Variants in CLSTN2 observed in about 807,000 individuals in gnomAD.
CLSTN2 encodes the protein calsyntenin-2.
A neutral mutation model predicts 101.2 loss-of-function variants in CLSTN2; 48 were observed. The observed-to-expected ratio is 0.47, with a 90% confidence interval of 0.38 to 0.60. The LOEUF (loss-of-function observed/expected upper bound fraction) is 0.60, where lower values mean the gene tolerates loss of function less well. Among genes scored for constraint, CLSTN2 ranks in the 20% least tolerant of loss-of-function variants. The pLI, the probability that CLSTN2 is intolerant of heterozygous loss-of-function variation, is 0.00. For synonymous variants in CLSTN2, 481 were observed against 463.6 expected (o/e 1.04, Z -0.48); for missense variants, 1,160 against 1,238.2 (o/e 0.94, Z 0.95).
chr3:140,148,723 C>A (rs998901932), intron 1 of CLSTN2, among the ~76,000 whole-genome samples: 10 of 152,160 alleles, frequency 6.6e-5, no homozygotes, highest in African/African-American at 2.4e-4. Context: ...GGAAGAAGTG[C>A]AGGTCATTTA....
At chr3:140,227,123 A>T (rs1677294556) in intron 2 of CLSTN2, among the ~76,000 whole-genome samples, 1 of 152,222 alleles carries the variant, frequency 6.6e-6, no homozygotes, top group African/African-American at 2.4e-5. Context: ...TTAACTCAAA[A>T]GTCCACAGTC....
At chr3:140,507,816 A>C (rs1934713259) in intron 8 of CLSTN2, 1 of 152,034 alleles carries the variant, frequency 6.6e-6, no homozygotes, top group East Asian at 1.9e-4. Context: ...CACCTAACAT[A>C]ATGTGTGACC....
At chr3:140,467,427 A>T (rs1377133998) in intron 8 of CLSTN2, among the ~76,000 whole-genome samples, 1 of 152,188 alleles carries the variant, frequency 6.6e-6, no homozygotes, top group Non-Finnish European at 1.5e-5. Flanking sequence ...GCCTTTGCTT[A>T]AATTTGAAAG....
chr3:140,049,599 C>T (rs1402660195), intron 1 of CLSTN2, among the ~76,000 whole-genome samples: 1 of 152,144 alleles, frequency 6.6e-6, no homozygotes, highest in Non-Finnish European at 1.5e-5. Flanking sequence ...ACACCTTCTG[C>T]ATAGAGAGTG....
intron 1 of CLSTN2, among the ~76,000 whole-genome samples, chr3:140,145,347 A>G (rs2009765727): frequency 6.6e-6 from 1 of 152,210 alleles, no homozygotes; most frequent in East Asian, 1.9e-4. Context: ...ATAAAGAAGA[A>G]CATGATTCCT....
At chr3:140,172,120 G>A (rs1325079261) in intron 1 of CLSTN2, among the ~76,000 whole-genome samples, 2 of 150,460 alleles carry the variant, frequency 1.3e-5, no homozygotes, top group Non-Finnish European at 2.9e-5. Flanking sequence ...GAATTAGGGT[G>A]TGAAGTTTGG....
At chr3:140,481,340 G>A (rs1171309451) in intron 8 of CLSTN2, among the ~76,000 whole-genome samples, 3 of 152,156 alleles carry the variant, frequency 2.0e-5, no homozygotes, top group Admixed American at 6.5e-5. Context: ...TGCTATTTTG[G>A]TTACTGTAGC....
chr3:140,435,560 T>C (rs2088676729), intron 5 of CLSTN2, among the ~76,000 whole-genome samples: 2 of 152,224 alleles, frequency 1.3e-5, no homozygotes, highest in African/African-American at 4.8e-5. Flanking sequence ...ATACACTTGA[T>C]TTCTTTTCTT....
At chr3:140,131,071 T>A (rs1161246588) in intron 1 of CLSTN2, among the ~76,000 whole-genome samples, 1 of 152,112 alleles carries the variant, frequency 6.6e-6, no homozygotes, top group Non-Finnish European at 1.5e-5. Flanking sequence ...CCTTCAGAAA[T>A]GAAGAACTTT....
chr3:140,226,208 T>C (rs900110017), intron 2 of CLSTN2, among the ~76,000 whole-genome samples: 1 of 152,098 alleles, frequency 6.6e-6, no homozygotes, highest in African/African-American at 2.4e-5. Context: ...GTGCCAGAGA[T>C]TAAAGACAGG....
intron 1 of CLSTN2, among the ~76,000 whole-genome samples, chr3:140,093,791 T>C (rs1425630707): frequency 6.6e-6 from 1 of 152,252 alleles, no homozygotes; most frequent in East Asian, 1.9e-4. Context: ...TGTTAAAATA[T>C]GTACAATTAG....
At chr3:140,258,131 T>C (rs943017511) in intron 2 of CLSTN2, among the ~76,000 whole-genome samples, 3 of 152,208 alleles carry the variant, frequency 2.0e-5, no homozygotes, top group African/African-American at 7.2e-5. Context: ...TTTAATTTTC[T>C]TTTTTACACA....
chr3:140,037,650 A>C (rs2007680716), intron 1 of CLSTN2, among the ~76,000 whole-genome samples: 1 of 152,002 alleles, frequency 6.6e-6, no homozygotes, highest in African/African-American at 2.4e-5. Flanking sequence ...CTCATCACCC[A>C]GGTATTAAGC....
At chr3:140,133,945 T>A (rs2009561721) in intron 1 of CLSTN2, among the ~76,000 whole-genome samples, 1 of 152,174 alleles carries the variant, frequency 6.6e-6, no homozygotes, top group South Asian at 2.1e-4. Context: ...AAGAGAGTAG[T>A]AACTGTCTTC....
intron 1 of CLSTN2, among the ~76,000 whole-genome samples, chr3:140,012,769 G>C (rs1285401073): frequency 6.6e-6 from 1 of 152,226 alleles, no homozygotes; most frequent in Non-Finnish European, 1.5e-5. Context: ...ATCCTGCTGG[G>C]TAAGCCTGGG....
At chr3:140,454,221 A>G (rs1205900298) in intron 6 of CLSTN2, 3 of 152,196 alleles carry the variant, frequency 2.0e-5, no homozygotes, top group African/African-American at 4.8e-5. Context: ...ACTACAATAC[A>G]ACATGGCCCA....
At chr3:140,133,414 G>A (rs1272187437) in intron 1 of CLSTN2, among the ~76,000 whole-genome samples, 1 of 152,142 alleles carries the variant, frequency 6.6e-6, no homozygotes, top group Non-Finnish European at 1.5e-5. Context: ...CTACACAGAG[G>A]CCTGATTTTG....
At chr3:139,960,933 G>A (rs1367182494) in intron 1 of CLSTN2, among the ~76,000 whole-genome samples, 1 of 152,204 alleles carries the variant, frequency 6.6e-6, no homozygotes, top group East Asian at 1.9e-4. Flanking sequence ...TATCTTGGAT[G>A]TATGTTATAT....
chr3:140,308,213 G>A (rs564128340), intron 2 of CLSTN2, among the ~76,000 whole-genome samples: 55 of 152,310 alleles, frequency 3.6e-4, no homozygotes, highest in Non-Finnish European at 6.9e-4. Context: ...TAGGAACCAG[G>A]CAAAATGGAA....
Sources: gnomAD v4.1 joint callset for allele counts (sites outside exome capture counted in the v4.1 genomes callset) on GRCh38, gnomAD v4.1.1 for gene constraint, MANE v1.5 for transcripts, NCBI Gene and HGNC (gene_info 2026-07-23, HGNC 2026-07-21) for gene names.